CTNND2: variants seen among roughly 807,000 people sequenced by gnomAD.
CTNND2 encodes the protein catenin delta-2.
CTNND2 carries 22 observed loss-of-function variants against 144.4 expected under a neutral mutation model. That is an observed-to-expected ratio of 0.15 (90% CI 0.11 to 0.22). The LOEUF (loss-of-function observed/expected upper bound fraction) is 0.22, where lower values mean the gene tolerates loss of function less well. CTNND2 is among the 10% of genes least tolerant of loss of function. The pLI is 1.00. For synonymous variants in CTNND2, 751 were observed against 695.6 expected, an observed-to-expected ratio of 1.08 and a Z score of -1.25; for missense variants, 1,353 against 1,618.8, an observed-to-expected ratio of 0.84 and a Z score of 2.82.
chr5:11,733,095 T>C (rs1050763092), intron 1 of CTNND2, among the ~76,000 whole-genome samples: 2 of 152,174 alleles, frequency 1.3e-5, no homozygotes, highest in Non-Finnish European at 2.9e-5. Flanking sequence ...CCTTGTGATA[T>C]CCTCTGAAAT....
At chr5:11,506,942 T>A (rs946209443) in intron 3 of CTNND2, among the ~76,000 whole-genome samples, 4 of 152,222 alleles carry the variant, frequency 2.6e-5, no homozygotes, top group Admixed American at 2.6e-4. Context: ...TTCTGAATTG[T>A]TTTCTACTTC....
intron 1 of CTNND2, among the ~76,000 whole-genome samples, chr5:11,826,921 A>G (rs1475535876): frequency 6.6e-6 from 1 of 152,038 alleles, no homozygotes; most frequent in Non-Finnish European, 1.5e-5. Flanking sequence ...TAAAAGCAGT[A>G]GACAGAAAAC....
intron 1 of CTNND2, among the ~76,000 whole-genome samples, chr5:11,797,568 T>G (rs1284309500): frequency 2.0e-5 from 3 of 152,200 alleles, no homozygotes; most frequent in Non-Finnish European, 4.4e-5. Flanking sequence ...AATATTCACC[T>G]CTAAGCTCCC....
intron 12 of CTNND2, among the ~76,000 whole-genome samples, chr5:11,155,128 AGC>A (rs372092211): frequency 1.7e-3 from 265 of 152,344 alleles, no homozygotes; most frequent in African/African-American, 5.9e-3. Context: ...GTCCAGAGAG[AGC>A]GGAGCCAGCT....
intron 7 of CTNND2, among the ~76,000 whole-genome samples, chr5:11,376,435 C>T (rs1255700690): frequency 1.3e-5 from 2 of 151,614 alleles, no homozygotes; most frequent in Non-Finnish European, 2.9e-5. Flanking sequence ...GCCACTAACT[C>T]TTTCCAATTC....
At chr5:11,163,084 T>G (rs1481403778) in intron 11 of CTNND2, among the ~76,000 whole-genome samples, 1 of 152,218 alleles carries the variant, frequency 6.6e-6, no homozygotes, top group Non-Finnish European at 1.5e-5. Context: ...CACAAATTCT[T>G]GGACATTTCC....
intron 9 of CTNND2, among the ~76,000 whole-genome samples, chr5:11,249,850 CA>C (rs1458960360): frequency 1.6e-4 from 23 of 141,532 alleles, no homozygotes; most frequent in South Asian, 2.3e-4. Flanking sequence ...GTGTCCATGT[CA>C]AAAAAAAAAA....
At chr5:11,697,679 T>G (rs1349015167) in intron 2 of CTNND2, among the ~76,000 whole-genome samples, 1 of 152,132 alleles carries the variant, frequency 6.6e-6, no homozygotes, top group Non-Finnish European at 1.5e-5. Flanking sequence ...TATGACAACT[T>G]TAAAGCTGTG....
rs181672484 is a variant in CTNND2 at position 11,861,546 on chromosome 5, G to C, written c.37+42271C>G. 2.0e-5 allele frequency among the ~76,000 whole-genome samples: 3 copies of C among 152,172 alleles called. No individual in the cohort carries two copies. In the East Asian group the frequency reaches 5.8e-4, roughly 29 times the overall value. On this transcript the variant is annotated intron_variant, in intron 1 of 21. Coordinates refer to ENST00000304623, the MANE Select transcript of CTNND2 (RefSeq NM_001332.4). ...CTCTCTCGCCATCTCTCCTCTGAAT[G>C]CCATTGTCCAAACCGATGTCATCTT...
At chr5:11,346,249 C>G (rs1051070474) in intron 9 of CTNND2, 123 bp downstream of exon 9, 3 of 973,526 alleles carry the variant, frequency 3.1e-6, no homozygotes, top group Middle Eastern at 2.4e-4. Flanking sequence ...CAAAAGAAAA[C>G]CCAAGAAAAG....
At chr5:11,882,120 C>T (rs2127077297) in intron 1 of CTNND2, among the ~76,000 whole-genome samples, 1 of 152,036 alleles carries the variant, frequency 6.6e-6, no homozygotes, top group East Asian at 1.9e-4. Context: ...ATATTTACTC[C>T]TTGCCAGATG....
intron 1 of CTNND2, among the ~76,000 whole-genome samples, chr5:11,751,272 G>A (rs989045024): frequency 9.2e-5 from 14 of 151,850 alleles, no homozygotes; most frequent in African/African-American, 3.4e-4. Context: ...TACATATGCA[G>A]GTTTGTAATA....
chr5:11,232,776 A>T (rs1741180347), intron 10 of CTNND2, among the ~76,000 whole-genome samples: 1 of 152,176 alleles, frequency 6.6e-6, no homozygotes, highest in East Asian at 1.9e-4. Context: ...AGGACATGAG[A>T]CTTGGGAGGG....
intron 18 of CTNND2, among the ~76,000 whole-genome samples, chr5:11,014,258 C>T (rs1741383511): frequency 1.3e-5 from 2 of 152,214 alleles, no homozygotes; most frequent in South Asian, 2.1e-4. Flanking sequence ...CCTGACAGTT[C>T]CCCAACCATA....
intron 18 of CTNND2, among the ~76,000 whole-genome samples, chr5:11,007,394 T>C (rs1010539016): frequency 1.3e-5 from 2 of 152,164 alleles, no homozygotes; most frequent in Non-Finnish European, 2.9e-5. Flanking sequence ...CATGAACAGC[T>C]CTCTCAGAGC....
rs985164076 is a variant in CTNND2, at chr5:11,244,542, C to T, written c.1629-7719G>A. On this transcript the variant is annotated intron_variant, in intron 9 of 21. Coordinates refer to ENST00000304623, the MANE Select transcript of CTNND2 (RefSeq NM_001332.4). ...TCAAGTGATCCACCCACCTTGGCCT[C>T]GCAAAGTGCTGCGATTACAGGCATG... 6.6e-5 allele frequency among the ~76,000 whole-genome samples: 10 copies of T among 152,138 alleles called. No homozygotes were observed. The East Asian group carries it at 1.4e-3, about 21-fold the overall frequency.
intron 3 of CTNND2, among the ~76,000 whole-genome samples, chr5:11,420,008 C>T (rs1227039329): frequency 6.6e-6 from 1 of 152,048 alleles, no homozygotes; most frequent in Non-Finnish European, 1.5e-5. Flanking sequence ...GCCAGAGAAA[C>T]TACTGGGAAA....
intron 1 of CTNND2, among the ~76,000 whole-genome samples, chr5:11,814,468 G>A (rs1792519045): frequency 6.6e-6 from 1 of 152,208 alleles, no homozygotes; most frequent in African/African-American, 2.4e-5. Flanking sequence ...CACTAAAGCA[G>A]ACCTGTCTAA....
At chr5:11,557,751 C>T (rs532026312) in intron 3 of CTNND2, among the ~76,000 whole-genome samples, 34 of 152,212 alleles carry the variant, frequency 2.2e-4, no homozygotes, top group African/African-American at 7.5e-4. Flanking sequence ...ATACAGTCTG[C>T]GAAAACCAAC....
Sources: gnomAD v4.1 joint callset for allele counts (sites outside exome capture counted in the v4.1 genomes callset) on GRCh38, gnomAD v4.1.1 for gene constraint, MANE v1.5 for transcripts, NCBI Gene and HGNC (gene_info 2026-07-23, HGNC 2026-07-21) for gene names.